CCSER1: variants seen among roughly 807,000 people sequenced by gnomAD.
The protein encoded by CCSER1 is coiled-coil serine rich protein 1, also known as serine-rich coiled-coil domain-containing protein 1.
A neutral mutation model predicts 82.0 loss-of-function variants in CCSER1; 41 were observed. That is an observed-to-expected ratio of 0.50 (90% CI 0.39 to 0.65). The LOEUF (loss-of-function observed/expected upper bound fraction) is 0.65, where lower values mean the gene tolerates loss of function less well. CCSER1 is among the 30% of genes least tolerant of loss of function. The pLI is 0.00. For synonymous variants in CCSER1, 414 were observed against 383.9 expected (o/e 1.08, Z -0.92); for missense variants, 1,119 against 1,064.2 (o/e 1.05, Z -0.72).
intron 10 of CCSER1, among the ~76,000 whole-genome samples, chr4:91,357,830 G>C (rs1297487321): frequency 5.0e-5 from 7 of 140,502 alleles, no homozygotes; most frequent in Non-Finnish European, 9.2e-5. Context: ...ATTTATTTCA[G>C]GACAAGAATT....
intron 10 of CCSER1, among the ~76,000 whole-genome samples, chr4:91,581,359 C>A (rs1339532940): frequency 2.0e-5 from 3 of 151,652 alleles, no homozygotes; most frequent in Non-Finnish European, 3.0e-5. Context: ...GCCAGAAGGG[C>A]AGCATTAGTT....
At chr4:90,296,251 T>C (rs971339889) in intron 1 of CCSER1, among the ~76,000 whole-genome samples, 12 of 152,094 alleles carry the variant, frequency 7.9e-5, no homozygotes, top group African/African-American at 2.9e-4. Flanking sequence ...GTCAAAGTGA[T>C]CAATGTGGTC....
At chr4:90,384,220 C>T (rs1037288560) in intron 3 of CCSER1, among the ~76,000 whole-genome samples, 1 of 151,502 alleles carries the variant, frequency 6.6e-6, no homozygotes, top group African/African-American at 2.4e-5. Flanking sequence ...ATATATGTGC[C>T]ATGTTGGTGT....
intron 8 of CCSER1, among the ~76,000 whole-genome samples, chr4:90,911,614 G>C (rs1337312645): frequency 2.0e-5 from 3 of 152,146 alleles, no homozygotes; most frequent in Admixed American, 1.3e-4. Flanking sequence ...TCTCACTGGG[G>C]ATTGTCAGAG....
At chr4:90,403,628 T>G (rs1297835327) in intron 4 of CCSER1, among the ~76,000 whole-genome samples, 2 of 152,180 alleles carry the variant, frequency 1.3e-5, no homozygotes, top group Non-Finnish European at 2.9e-5. Flanking sequence ...AACAGCGATT[T>G]TCAAAAGTCT....
intron 10 of CCSER1, among the ~76,000 whole-genome samples, chr4:91,333,408 G>C (rs985243121): frequency 2.6e-5 from 4 of 152,004 alleles, no homozygotes; most frequent in Non-Finnish European, 5.9e-5. Flanking sequence ...AAGGACTCTA[G>C]CTATCTGTAA....
chr4:91,511,136 T>G (rs1759799659), intron 10 of CCSER1, among the ~76,000 whole-genome samples: 1 of 152,024 alleles, frequency 6.6e-6, no homozygotes, highest in Non-Finnish European at 1.5e-5. Flanking sequence ...GCGCAGTTGG[T>G]ATGTGTGGCT....
At chr4:91,385,555 T>G (rs1751233169) in intron 10 of CCSER1, among the ~76,000 whole-genome samples, 1 of 151,024 alleles carries the variant, frequency 6.6e-6, no homozygotes, top group Admixed American at 6.6e-5. Context: ...AGATAGGAAG[T>G]AAACAAAAAA....
intron 4 of CCSER1, among the ~76,000 whole-genome samples, chr4:90,466,498 G>A (rs1044060181): frequency 6.6e-6 from 1 of 152,204 alleles, no homozygotes; most frequent in African/African-American, 2.4e-5. Context: ...AGAGACATTA[G>A]ATAAGAGCCC....
intron 10 of CCSER1, among the ~76,000 whole-genome samples, chr4:91,253,949 T>A (rs1740472321): frequency 6.6e-6 from 1 of 152,088 alleles, no homozygotes; most frequent in African/African-American, 2.4e-5. Context: ...TGCTAAACCA[T>A]TTGTGAGAAA....
chr4:90,509,824 G>T (rs907844916), intron 5 of CCSER1, among the ~76,000 whole-genome samples: 5 of 151,216 alleles, frequency 3.3e-5, no homozygotes, highest in African/African-American at 1.2e-4. Flanking sequence ...TAGCATACTT[G>T]AATATTTAAA....
intron 9 of CCSER1, among the ~76,000 whole-genome samples, chr4:90,994,310 T>C (rs971883762): frequency 2.6e-5 from 4 of 152,124 alleles, no homozygotes; most frequent in Non-Finnish European, 1.5e-5. Flanking sequence ...TCAGAACCCT[T>C]ATATTAGCCT....
At chr4:91,499,626 A>G (rs570053071) in intron 10 of CCSER1, among the ~76,000 whole-genome samples, 63 of 152,034 alleles carry the variant, frequency 4.1e-4, no homozygotes, top group African/African-American at 1.4e-3. Flanking sequence ...TGGTCTGCCT[A>G]TTCATCTCTC....
Position 91,085,989 on chromosome 4 carries a change from A to G in CCSER1, c.2212A>G (p.Arg738Gly). 6.6e-7 allele frequency: 1 copy of G among 1,522,204 alleles called. No homozygotes were observed. Among genetic ancestry groups the G allele is most frequent in the Non-Finnish European group, 8.9e-7 (1 of 1,120,620 alleles). The allele number at this position is 1,522,204 out of a possible 1,614,324, so 94.3% of individuals were successfully genotyped here. A position where few individuals can be genotyped will look rare whatever the true frequency, so the allele number is the denominator to read the frequency against. ...AAGACTAGAGACAGTACAAGGAGGG[A>G]GAGAGGTAAGAATGTTTAAAGAAGA... The part of the protein sequence containing the change: ...LKRLETVQGG[R>G]EATYRNRIVS... Residue 738 changes from arginine to glycine, a missense_variant, in exon 10 of 11, where the codon AGA becomes GGA. Coordinates refer to ENST00000509176, the MANE Select transcript of CCSER1 (RefSeq NM_001145065.2).
chr4:91,135,589 G>A (rs1020148845), intron 10 of CCSER1, among the ~76,000 whole-genome samples: 3 of 152,098 alleles, frequency 2.0e-5, no homozygotes, highest in African/African-American at 7.2e-5. Context: ...GGGGTGGTAC[G>A]AACTTATCTG....
chr4:90,807,544 T>G (rs909285853), intron 7 of CCSER1, among the ~76,000 whole-genome samples: 1 of 152,056 alleles, frequency 6.6e-6, no homozygotes, highest in Non-Finnish European at 1.5e-5. Flanking sequence ...GAGGCCAGCA[T>G]GGACAACATA....
chr4:91,086,531 A>G (rs1318159816), intron 10 of CCSER1, among the ~76,000 whole-genome samples: 2 of 152,074 alleles, frequency 1.3e-5, no homozygotes, highest in Non-Finnish European at 2.9e-5. Context: ...TGCTAAATGT[A>G]TAAATGCTGT....
intron 10 of CCSER1, among the ~76,000 whole-genome samples, chr4:91,515,649 T>C (rs1444416348): frequency 1.3e-5 from 2 of 152,180 alleles, no homozygotes; most frequent in Admixed American, 6.6e-5. Flanking sequence ...ATTGTGAACA[T>C]GCTGCAGTAA....
chr4:90,929,039 CTCTT>C (rs1235058990), intron 9 of CCSER1, among the ~76,000 whole-genome samples: 3 of 152,052 alleles, frequency 2.0e-5, no homozygotes, highest in Admixed American at 6.6e-5. Flanking sequence ...TTTGCTTCTC[CTCTT>C]TCTGTTTGTT....
Sources: allele counts gnomAD v4.1 joint callset (sites outside exome capture counted in the v4.1 genomes callset), GRCh38; gene constraint gnomAD v4.1.1; transcripts MANE v1.5; gene names NCBI Gene and HGNC (gene_info 2026-07-23, HGNC 2026-07-21).